Variants in ALDH8A1 observed in about 807,000 individuals in gnomAD.
The protein encoded by ALDH8A1 is 2-aminomuconic semialdehyde dehydrogenase.
A neutral mutation model predicts 43.3 loss-of-function variants in ALDH8A1; 39 were observed. The observed-to-expected ratio is 0.90, with a 90% confidence interval of 0.70 to 1.18. The LOEUF is 1.18. ALDH8A1 is among the 50% of genes most tolerant of loss of function. ALDH8A1 has a pLI of 0.00. For synonymous variants in ALDH8A1, 233 were observed against 243.5 expected (o/e 0.96, Z 0.40); for missense variants, 605 against 622.6 (o/e 0.97, Z 0.30).
chr6:134,933,918 AG>A (rs1274895727), intron 4 of ALDH8A1, among the ~76,000 whole-genome samples: 6 of 152,132 alleles, frequency 3.9e-5, no homozygotes, highest in Non-Finnish European at 7.4e-5. Context: ...CATGTTGGCC[AG>A]GCTGGTCTCG....
At chr6:134,923,987 G>C (rs1279012791) in intron 6 of ALDH8A1, among the ~76,000 whole-genome samples, 1 of 152,218 alleles carries the variant, frequency 6.6e-6, no homozygotes, top group Admixed American at 6.5e-5. Flanking sequence ...GGTCAAGCCT[G>C]GCAAAGTAGT....
intron 5 of ALDH8A1, 88 bp from the exon 6 acceptor site, chr6:134,929,303 A>G: frequency 1.4e-6 from 2 of 1,438,470 alleles, no homozygotes; most frequent in East Asian, 2.4e-5. Context: ...GCCATGTATC[A>G]GGCACTGGTC....
intron 1 of ALDH8A1, among the ~76,000 whole-genome samples, chr6:134,944,944 T>C (rs1773926460): frequency 6.7e-6 from 1 of 148,358 alleles, no homozygotes; most frequent in South Asian, 2.1e-4. Context: ...ATATAGTATG[T>C]ATATATTATA....
rs540988877 is a variant in ALDH8A1 at position 134,944,228 on chromosome 6, C to A, written c.139-262G>T. The A allele has an allele frequency of 5.0e-4, 177 of 350,730 alleles. 1 individual carries two copies. The highest frequency in any genetic ancestry group is 3.1e-3 in the African/African-American group (145 of 47,312). The allele number at this position is 350,730 out of a possible 1,614,324, so 21.7% of individuals were successfully genotyped here. On this transcript the variant is annotated intron_variant, in intron 1 of 6. Coordinates refer to ENST00000265605, the MANE Select transcript of ALDH8A1 (RefSeq NM_022568.4). ...GATTACAGGCATGTGCCACCATGCC[C>A]AGCTAATTTTTGTATTTTTTAGTAG...
chr6:134,943,086 C>T (rs1420291195), intron 2 of ALDH8A1, among the ~76,000 whole-genome samples: 2 of 152,208 alleles, frequency 1.3e-5, no homozygotes, highest in African/African-American at 2.4e-5. Flanking sequence ...ATGCCCTGCA[C>T]GTCCTAGCTC....
chr6:134,946,411 C>G (rs1277848620), intron 1 of ALDH8A1, among the ~76,000 whole-genome samples: 7 of 152,044 alleles, frequency 4.6e-5, no homozygotes, highest in African/African-American at 1.7e-4. Flanking sequence ...AAATTCAAGT[C>G]CACTCATATT....
At chr6:134,927,536 G>C (rs1336212325) in intron 6 of ALDH8A1, among the ~76,000 whole-genome samples, 3 of 152,040 alleles carry the variant, frequency 2.0e-5, no homozygotes, top group African/African-American at 4.8e-5. Context: ...CACACACAGA[G>C]AGAGATCATT....
chr6:134,929,660 A>C (rs568210007), intron 5 of ALDH8A1, among the ~76,000 whole-genome samples: 1 of 152,182 alleles, frequency 6.6e-6, no homozygotes, highest in Non-Finnish European at 1.5e-5. Flanking sequence ...ACTGGTGTGC[A>C]TGAGGAAAAG....
At chr6:134,937,832 G>A (rs1037675744) in intron 4 of ALDH8A1, among the ~76,000 whole-genome samples, 3 of 152,098 alleles carry the variant, frequency 2.0e-5, no homozygotes, top group Non-Finnish European at 2.9e-5. Context: ...GGGAAGGGTC[G>A]GCACATTTAA....
intron 6 of ALDH8A1, among the ~76,000 whole-genome samples, chr6:134,921,862 T>A (rs1054414863): frequency 6.6e-6 from 1 of 152,170 alleles, no homozygotes; most frequent in Non-Finnish European, 1.5e-5. Flanking sequence ...CCAGCCCAGA[T>A]GGTTTGGCAC....
intron 4 of ALDH8A1, among the ~76,000 whole-genome samples, chr6:134,935,351 T>C (rs79839966): frequency 2.0e-5 from 3 of 152,178 alleles, no homozygotes; most frequent in Non-Finnish European, 4.4e-5. Context: ...AGGAAGAAAT[T>C]TGAGGGAAAG....
chr6:134,934,578 C>T lies in ALDH8A1; in HGVS notation c.593-1546G>A, dbSNP rs751491179. ...ATCAGAGGGCCAAAAACTCAACCCT[C>T]GGAACATGCTAAGGCTGCCATTTTT... On this transcript the variant is annotated intron_variant, in intron 4 of 6. Transcript: ENST00000265605. 4.7e-4 allele frequency among the ~76,000 whole-genome samples: 71 copies of T among 152,224 alleles called. 1 individual carries two copies. Among genetic ancestry groups the T allele is most frequent in the Non-Finnish European group, 6.0e-4 (41 of 68,022 alleles).
Position 134,932,710 on chromosome 6 carries a change from T to C in ALDH8A1, c.849+66A>G. 3 of 1,573,074 alleles carry C rather than the reference T, an allele frequency of 1.9e-6. No homozygotes were observed. The South Asian group carries it at 3.6e-5, about 19-fold the overall frequency. ...ACTGGCTTGCTCCCAGGCATTGCAC[T>C]GTGATAAAACAGATCCAGCTTGACA... On this transcript the variant is annotated intron_variant, in intron 5 of 6. Transcript: ENST00000265605.
At position 134,927,209 on chromosome 6, in the gene ALDH8A1, A is replaced by G. The variant is rs141841914; in HGVS notation, c.1011+1845T>C. On this transcript the variant is annotated intron_variant, in intron 6 of 6. Coordinates refer to ENST00000265605, the MANE Select transcript of ALDH8A1 (RefSeq NM_022568.4). ...CACATAGAATCTGCAATCTATGCCA[A>G]TTACTAGAACTCATTAGCGTCTTGT... Among the ~76,000 whole-genome samples, 46 of 152,322 alleles carry G rather than the reference A, an allele frequency of 3.0e-4. 1 individual carries two copies. The East Asian group carries it at 6.9e-3, about 23-fold the overall frequency.
At chr6:134,935,772 TA>T (rs998559370) in intron 4 of ALDH8A1, among the ~76,000 whole-genome samples, 1 of 152,182 alleles carries the variant, frequency 6.6e-6, no homozygotes, top group African/African-American at 2.4e-5. Flanking sequence ...TTTTAAATTA[TA>T]AATAATATAA....
At chr6:134,933,277 A>G (rs1475514103) in intron 4 of ALDH8A1, among the ~76,000 whole-genome samples, 1 of 152,186 alleles carries the variant, frequency 6.6e-6, no homozygotes, top group Admixed American at 6.5e-5. Context: ...TTTGCCCTAG[A>G]GAGATGCAGG....
chr6:134,940,630 A>T (rs1324910875), intron 3 of ALDH8A1, among the ~76,000 whole-genome samples: 1 of 152,224 alleles, frequency 6.6e-6, no homozygotes, highest in Non-Finnish European at 1.5e-5. Flanking sequence ...TGAGTAACGT[A>T]ACCAGCAGCT....
intron 6 of ALDH8A1, among the ~76,000 whole-genome samples, chr6:134,927,508 C>T (rs575118803): frequency 9.2e-5 from 14 of 152,224 alleles, no homozygotes; most frequent in East Asian, 7.7e-4. Context: ...TACACACACA[C>T]GCGTGCATGC....
chr6:134,945,706 G>A (rs1310682263), intron 1 of ALDH8A1, among the ~76,000 whole-genome samples: 7 of 152,094 alleles, frequency 4.6e-5, no homozygotes, highest in Non-Finnish European at 5.9e-5. Flanking sequence ...TCTGGCAGCC[G>A]TGAGCATCTT....
Sources: gnomAD v4.1 joint callset for allele counts (sites outside exome capture counted in the v4.1 genomes callset) on GRCh38, gnomAD v4.1.1 for gene constraint, MANE v1.5 for transcripts, NCBI Gene and HGNC (gene_info 2026-07-23, HGNC 2026-07-21) for gene names.